Variants in ACAD10 observed in about 807,000 individuals in gnomAD.
The protein encoded by ACAD10 is acyl-CoA dehydrogenase family member 10.
A neutral mutation model predicts 116.8 loss-of-function variants in ACAD10; 112 were observed. The ratio of observed to expected loss-of-function variants is 0.96; its 90% confidence interval spans 0.82 to 1.12. The LOEUF is 1.12. ACAD10 is among the 50% of genes most tolerant of loss of function. ACAD10 has a pLI of 0.00. For missense variants in ACAD10, 1,259 were observed against 1,350.2 expected (o/e 0.93, Z 1.06); for synonymous variants, 486 against 510.6 (o/e 0.95, Z 0.65).
intron 8 of ACAD10, among the ~76,000 whole-genome samples, chr12:111,722,713 G>A (rs1457463849): frequency 6.6e-6 from 1 of 152,216 alleles, no homozygotes; most frequent in Non-Finnish European, 1.5e-5. Context: ...CAAGGTCACA[G>A]ATCAACAGGA....
At chr12:111,709,926 T>C in intron 5 of ACAD10, 1 of 481,570 alleles carries the variant, frequency 2.1e-6, no homozygotes, top group Non-Finnish European at 3.7e-6. Context: ...AGGAGGTGAA[T>C]GGCAGGCTTA....
At chr12:111,694,470 C>T (rs1022878070) in intron 2 of ACAD10, among the ~76,000 whole-genome samples, 2 of 152,012 alleles carry the variant, frequency 1.3e-5, no homozygotes, top group Non-Finnish European at 2.9e-5. Flanking sequence ...CCACTGCACC[C>T]CAGACTGGCA....
chr12:111,749,315 A>T lies in ACAD10; in HGVS notation c.2787A>T (p.Ser929=), dbSNP rs1355458783. The stretch of plus-strand genomic sequence containing the variant: ...ACTGCATGAGGCTGATCGGGTTCTC[A>T]GAGAGGGCCCTGGCACTCATGAAGG... ...IHHCMRLIGF[S]ERALALMKAR... is the part of the protein sequence containing the mutation. Residue 929 remains serine (S), a synonymous_variant, in exon 18 of 21, where the codon TCA becomes TCT. Coordinates refer to ENST00000313698, the MANE Select transcript of ACAD10 (RefSeq NM_025247.6). 3 of 1,613,696 alleles carry T rather than the reference A, an allele frequency of 1.9e-6. No homozygotes were observed. In the African/African-American group the frequency reaches 4.0e-5, roughly 22 times the overall value.
intron 12 of ACAD10, among the ~76,000 whole-genome samples, chr12:111,743,544 C>G (rs1889809189): frequency 1.3e-5 from 2 of 151,492 alleles, no homozygotes; most frequent in African/African-American, 4.9e-5. Flanking sequence ...CCATGTTGAC[C>G]AGGCTGGTCT....
At chr12:111,756,051 C>G in intron 20 of ACAD10, 1 of 1,110,532 alleles carries the variant, frequency 9.0e-7, no homozygotes, top group Non-Finnish European at 1.2e-6. Flanking sequence ...AGAGCCCAGG[C>G]TCTTTCCCAT....
At chr12:111,748,516 G>A in intron 17 of ACAD10, 41 bp downstream of exon 17, 1 of 1,608,290 alleles carries the variant, frequency 6.2e-7, no homozygotes, top group Non-Finnish European at 8.5e-7. Context: ...GTGTGGGTCT[G>A]GTCCCCAGGA....
Position 111,755,731 on chromosome 12 carries a change from G to C in ACAD10, c.3025G>C (p.Asp1009His). The change falls in exon 20 of 21, where the codon GAT becomes CAT. Residue 1009 changes from aspartate (D) to histidine (H), a missense_variant. By Grantham distance (81) the Asp-to-His change is moderately conservative. Transcript: ENST00000313698. Reference sequence around the variant, plus strand: ...CCCGTCCATGGCCTCCCGAGTGATTGATCGTGCGATTCAGGTGAGCACAGA... The same window carrying C: ...CCCGTCCATGGCCTCCCGAGTGATTCATCGTGCGATTCAGGTGAGCACAGA... ...VAPSMASRVI[D>H]RAIQAFGAAG... The C allele has an allele frequency of 6.2e-7, 1 of 1,613,818 alleles. No homozygotes were observed.
intron 9 of ACAD10, among the ~76,000 whole-genome samples, chr12:111,729,435 C>G (rs373076597): frequency 6.6e-6 from 1 of 152,238 alleles, no homozygotes; most frequent in East Asian, 1.9e-4. Context: ...GATGCGCTTT[C>G]GCCATGTTGG....
intron 18 of ACAD10, among the ~76,000 whole-genome samples, chr12:111,750,301 C>CAGG (rs1890038511): frequency 6.6e-6 from 1 of 150,960 alleles, no homozygotes; most frequent in Non-Finnish European, 1.5e-5. Flanking sequence ...CCATGTTAGC[C>CAGG]AGGATGGTTT....
chr12:111,692,616 T>C (rs1272391913), intron 1 of ACAD10, 81 bp from the exon 2 acceptor site: 3 of 1,409,630 alleles, frequency 2.1e-6, no homozygotes, highest in African/African-American at 1.4e-5. Context: ...GATGTCTGGC[T>C]GGCCCCTCTG....
Position 111,729,809 on chromosome 12 carries a change from A to C in ACAD10, c.1247A>C (p.Asp416Ala). The change falls in exon 10 of 21, where the codon GAC (aspartate) becomes GCC (alanine). Residue 416 changes from aspartate to alanine, a missense_variant. Asp to Ala is a moderately radical substitution (Grantham distance 126). Coordinates refer to ENST00000313698, the MANE Select transcript of ACAD10 (RefSeq NM_025247.6). ...GTTCTAATCCTATTTCCCGCAGGGG[A>C]CTATATTCCACGCCAGGTACGAACC... is the stretch of plus-strand genomic sequence containing the variant. ...VGLEDYGKQG[D>A]YIPRQVRTWV... The C allele has an allele frequency of 6.2e-7, 1 of 1,612,896 alleles. No homozygotes were observed. Among genetic ancestry groups the C allele is most frequent in the Non-Finnish European group, 8.5e-7 (1 of 1,179,370 alleles).
intron 18 of ACAD10, among the ~76,000 whole-genome samples, chr12:111,751,663 G>A (rs182332837): frequency 3.3e-5 from 5 of 152,040 alleles, no homozygotes; most frequent in African/African-American, 7.2e-5. Context: ...TCCAGGAGGC[G>A]GAGGTTGCAC....
chr12:111,716,075 A>G, intron 7 of ACAD10, 113 bp downstream of exon 7: 1 of 1,439,750 alleles, frequency 6.9e-7, no homozygotes, highest in South Asian at 1.3e-5. Flanking sequence ...ATTTAAAACT[A>G]CAATTATGGG....
chr12:111,731,571 C>T (rs1329610142), intron 10 of ACAD10, among the ~76,000 whole-genome samples: 1 of 152,202 alleles, frequency 6.6e-6, no homozygotes, highest in Non-Finnish European at 1.5e-5. Flanking sequence ...ATATCCAGTG[C>T]AGTCTGAGCA....
intron 1 of ACAD10, among the ~76,000 whole-genome samples, chr12:111,687,637 T>C (rs1887910522): frequency 6.6e-6 from 1 of 152,200 alleles, no homozygotes; most frequent in African/African-American, 2.4e-5. Context: ...AGATAACATT[T>C]CAACATGTGC....
intron 11 of ACAD10, among the ~76,000 whole-genome samples, chr12:111,736,130 C>T (rs1216066891): frequency 2.0e-5 from 3 of 151,004 alleles, no homozygotes; most frequent in South Asian, 2.1e-4. Context: ...ATCTGCCCTC[C>T]TCGGCCTCCT....
intron 19 of ACAD10, 69 bp from the exon 20 acceptor site, chr12:111,755,599 G>T (rs1164864604): frequency 2.6e-6 from 3 of 1,139,504 alleles, no homozygotes; most frequent in South Asian, 1.3e-5. Context: ...GATGGGGGAC[G>T]GGGGGGCCTC....
intron 1 of ACAD10, chr12:111,690,533 C>T (rs1888008475): frequency 6.6e-6 from 1 of 151,932 alleles, no homozygotes; most frequent in South Asian, 2.1e-4. Context: ...ACCTGTAATT[C>T]CAGCACTTTG....
chr12:111,737,285 C>T (rs1278265270), intron 12 of ACAD10, among the ~76,000 whole-genome samples: 1 of 152,084 alleles, frequency 6.6e-6, no homozygotes, highest in African/African-American at 2.4e-5. Context: ...TGGGTTCAAG[C>T]GATTCTCCTG....
Sources: gnomAD v4.1 joint callset for allele counts (sites outside exome capture counted in the v4.1 genomes callset) on GRCh38, gnomAD v4.1.1 for gene constraint, MANE v1.5 for transcripts, NCBI Gene and HGNC (gene_info 2026-07-23, HGNC 2026-07-21) for gene names.